The following SELENOO variants were observed in gnomAD, a reference collection of about 807,000 sequenced individuals.
SELENOO encodes the protein protein adenylyltransferase SelO, mitochondrial.
In SELENOO, 74 loss-of-function variants were observed where a neutral mutation model predicts 58.7. The observed-to-expected ratio is 1.26, with a 90% confidence interval of 1.04 to 1.53. SELENOO has a LOEUF of 1.53. Among genes scored for constraint, SELENOO ranks in the 40% most tolerant of loss-of-function variants. The probability of loss-of-function intolerance (pLI) is 0.00; values close to 1 mark genes in which losing one functional copy is unlikely to be tolerated. For missense variants in SELENOO, 1,149 were observed against 970.0 expected, an observed-to-expected ratio of 1.18 and a Z score of -2.45; for synonymous variants, 543 against 453.2, an observed-to-expected ratio of 1.20 and a Z score of -2.52.
At chr22:50,207,630 C>T (rs566911973) in intron 2 of SELENOO, among the ~76,000 whole-genome samples, 5 of 150,898 alleles carry the variant, frequency 3.3e-5, no homozygotes, top group South Asian at 4.3e-4. Context: ...TCTGAGGCCC[C>T]GCCCAGCGGC....
intron 2 of SELENOO, among the ~76,000 whole-genome samples, chr22:50,207,025 C>T (rs1025613541): frequency 2.0e-5 from 3 of 152,202 alleles, no homozygotes; most frequent in Non-Finnish European, 4.4e-5. Context: ...AAGCTGTGCG[C>T]GGTGTCCTGC....
intron 1 of SELENOO, among the ~76,000 whole-genome samples, chr22:50,202,537 C>T (rs1453651937): frequency 6.6e-6 from 1 of 152,120 alleles, no homozygotes; most frequent in Non-Finnish European, 1.5e-5. Flanking sequence ...AAATGCTGCT[C>T]AGCCTGGGGC....
chr22:50,212,114 G>T (rs578210101), intron 5 of SELENOO, among the ~76,000 whole-genome samples: 2 of 152,304 alleles, frequency 1.3e-5, no homozygotes, highest in African/African-American at 4.8e-5. Context: ...TTTAGTGTCT[G>T]TTTGGCTTTG....
rs552589056 is a variant in SELENOO at position 50,217,504 on chromosome 22, G to A, written c.*135G>A. 21 of 1,183,860 alleles carry A rather than the reference G, an allele frequency of 1.8e-5. No homozygotes were observed. In the South Asian group the frequency reaches 2.7e-4, roughly 15 times the overall value. The allele number at this position is 1,183,860 out of a possible 1,614,324, so 73.3% of individuals were successfully genotyped here. A position where few individuals can be genotyped will look rare whatever the true frequency, so the allele number is the denominator to read the frequency against. On this transcript the variant is annotated 3_prime_UTR_variant, in exon 9 of 9. Transcript: ENST00000380903. ...CATGCACACCCGTCTTTCCATGATG[G>A]CAGAGACATCCAGTCAGGACCTGAC...
intron 1 of SELENOO, among the ~76,000 whole-genome samples, chr22:50,202,963 G>A (rs2064312795): frequency 6.6e-6 from 1 of 152,252 alleles, no homozygotes; most frequent in Non-Finnish European, 1.5e-5. Flanking sequence ...AACATCCCTT[G>A]TTCGTGGGTT....
At chr22:50,216,492 G>T (rs2064412676) in intron 6 of SELENOO, among the ~76,000 whole-genome samples, 199 bp from the exon 7 acceptor site, 1 of 152,248 alleles carries the variant, frequency 6.6e-6, no homozygotes, top group Non-Finnish European at 1.5e-5. Flanking sequence ...AAGGGCCTTG[G>T]CCGAGCATGG....
chr22:50,215,707 T>C lies in SELENOO; in HGVS notation c.1352-10T>C, dbSNP rs772455604. ...TCTGCTTCCAGCTCCCTGAGCAGCC[T>C]GTGTTCCAGGTGCCGACTTCACAAA... On this transcript the variant is annotated splice_polypyrimidine_tract_variant and intron_variant, in intron 5 of 8. Coordinates refer to ENST00000380903, the MANE Select transcript of SELENOO (RefSeq NM_031454.2). The C allele has an allele frequency of 6.4e-7, 1 of 1,569,832 alleles. No individual in the cohort carries two copies. Among genetic ancestry groups the C allele is most frequent in the Admixed American group, 1.7e-5 (1 of 58,534 alleles).
Position 50,217,015 on chromosome 22 carries a change from G to A in SELENOO, c.1732G>A (p.Ala578Thr), listed in dbSNP as rs369750052. The A allele has an allele frequency of 3.4e-5, 55 of 1,611,468 alleles. No individual in the cohort carries two copies. The highest frequency in any genetic ancestry group is 1.6e-4 in the Middle Eastern group (1 of 6,080). Residue 578 changes from alanine to threonine, a missense_variant, in exon 8 of 9, where the codon GCC (alanine) becomes ACC (threonine). By Grantham distance (58) the Ala-to-Thr change is moderately conservative. Coordinates refer to ENST00000380903, the MANE Select transcript of SELENOO (RefSeq NM_031454.2). ...KDLEGAGDAA[A>T]WQAEHVRVMH... Reference sequence around the variant, plus strand: ...CCTGGAAGGCGCTGGGGACGCTGCCGCCTGGCAGGCTGAGCACGTGCGCGT... The same window carrying A: ...CCTGGAAGGCGCTGGGGACGCTGCCACCTGGCAGGCTGAGCACGTGCGCGT...
At chr22:50,206,183 G>C in intron 1 of SELENOO, 134 bp from the exon 2 acceptor site, 1 of 706,252 alleles carries the variant, frequency 1.4e-6, no homozygotes, top group South Asian at 1.7e-5. Context: ...GATGTCACCT[G>C]GGACGGGCGG....
At chr22:50,215,050 C>CT (rs1248663323) in intron 5 of SELENOO, among the ~76,000 whole-genome samples, 2 of 152,182 alleles carry the variant, frequency 1.3e-5, no homozygotes, top group Admixed American at 6.5e-5. Context: ...GTGTAGTCGA[C>CT]TTTTTTGCAG....
chr22:50,210,823 G>T lies in SELENOO; in HGVS notation c.1263G>T (p.Lys421Asn). Residue 421 changes from lysine to asparagine, a missense_variant, in exon 5 of 9, where the codon AAG becomes AAT. Coordinates refer to ENST00000380903, the MANE Select transcript of SELENOO (RefSeq NM_031454.2). ...DAEFQRHYLQKMRRKLGLVQV... is the reference protein window; with the variant it reads ...DAEFQRHYLQNMRRKLGLVQV... ...AGTTCCAAAGGCACTACCTGCAGAA[G>T]ATGCGCAGGAAGCTGGGCCTCGTGC... The T allele has an allele frequency of 1.2e-6, 2 of 1,614,138 alleles. No individual in the cohort carries two copies. Among genetic ancestry groups the T allele is most frequent in the Non-Finnish European group, 1.7e-6 (2 of 1,180,042 alleles).
At chr22:50,213,349 G>A (rs747003019) in intron 5 of SELENOO, among the ~76,000 whole-genome samples, 1 of 151,922 alleles carries the variant, frequency 6.6e-6, no homozygotes, top group Non-Finnish European at 1.5e-5. Flanking sequence ...GAGCCGCCGC[G>A]CCCAGCCAGT....
intron 5 of SELENOO, among the ~76,000 whole-genome samples, chr22:50,213,671 G>A (rs569869334): frequency 2.6e-5 from 4 of 151,876 alleles, no homozygotes; most frequent in African/African-American, 4.8e-5. Flanking sequence ...TTTTTGAGAC[G>A]GAGTCTTGCT....
chr22:50,213,448 TTA>T (rs1160227412), intron 5 of SELENOO, among the ~76,000 whole-genome samples: 1 of 152,210 alleles, frequency 6.6e-6, no homozygotes, highest in East Asian at 1.9e-4. Context: ...GTTTTGTGGC[TTA>T]TCTTGGAGAA....
chr22:50,211,941 G>T (rs1013887652), intron 5 of SELENOO, among the ~76,000 whole-genome samples: 5 of 152,212 alleles, frequency 3.3e-5, no homozygotes, highest in Non-Finnish European at 7.3e-5. Flanking sequence ...GACCTCAGGT[G>T]ATCTGCCCAC....
Position 50,217,433 on chromosome 22 carries a change from A to T in SELENOO, c.*64A>T. On this transcript the variant is annotated 3_prime_UTR_variant, in exon 9 of 9. Coordinates refer to ENST00000380903, the MANE Select transcript of SELENOO (RefSeq NM_031454.2). ...GCCCCCATGTGCTGCTGAGTGGCCA[A>T]GATGATGCCAGGCTGCCCTATACAC... 1 of 1,568,470 alleles carries T rather than the reference A, an allele frequency of 6.4e-7. No homozygotes were observed. The highest frequency in any genetic ancestry group is 8.7e-7 in the Non-Finnish European group (1 of 1,155,258).
At chr22:50,214,721 C>T (rs2064393962) in intron 5 of SELENOO, among the ~76,000 whole-genome samples, 1 of 152,178 alleles carries the variant, frequency 6.6e-6, no homozygotes, top group South Asian at 2.1e-4. Context: ...GCCGAGATTG[C>T]GCCACTGCAC....
intron 5 of SELENOO, among the ~76,000 whole-genome samples, chr22:50,212,193 A>G (rs560814317): frequency 2.0e-5 from 3 of 152,118 alleles, no homozygotes; most frequent in African/African-American, 7.2e-5. Context: ...TTTTCCTTCA[A>G]AGTTTGAGAA....
intron 5 of SELENOO, among the ~76,000 whole-genome samples, chr22:50,215,328 G>C (rs1207718139): frequency 3.3e-5 from 5 of 152,136 alleles, no homozygotes; most frequent in Admixed American, 1.3e-4. Flanking sequence ...GCAAATGGCA[G>C]CTGCCTGGGC....
Sources: gnomAD v4.1 joint callset for allele counts (sites outside exome capture counted in the v4.1 genomes callset) on GRCh38, gnomAD v4.1.1 for gene constraint, MANE v1.5 for transcripts, NCBI Gene and HGNC (gene_info 2026-07-23, HGNC 2026-07-21) for gene names.